LCLAT1: variants seen among roughly 807,000 people sequenced by gnomAD.
The protein encoded by LCLAT1 is lysocardiolipin acyltransferase 1.
In LCLAT1, 11 loss-of-function variants were observed where a neutral mutation model predicts 30.7. That is an observed-to-expected ratio of 0.36 (90% confidence interval 0.23 to 0.59). LCLAT1 has a LOEUF of 0.59. Ranked by LOEUF, LCLAT1 falls within the 20% of genes least tolerant of loss-of-function variation. The pLI, the probability that LCLAT1 is intolerant of heterozygous loss-of-function variation, is 0.77. For synonymous variants in LCLAT1, 155 were observed against 151.3 expected, an observed-to-expected ratio of 1.02 and a Z score of -0.18; for missense variants, 402 against 458.6, an observed-to-expected ratio of 0.88 and a Z score of 1.13.
intron 1 of LCLAT1, among the ~76,000 whole-genome samples, chr2:30,453,246 T>C (rs1276663062): frequency 6.6e-6 from 1 of 152,098 alleles, no homozygotes; most frequent in Non-Finnish European, 1.5e-5. Context: ...TGGATGAAGA[T>C]AAAAATAAAT....
intron 1 of LCLAT1, among the ~76,000 whole-genome samples, chr2:30,460,218 G>A (rs1682044492): frequency 6.6e-6 from 1 of 152,156 alleles, no homozygotes; most frequent in African/African-American, 2.4e-5. Context: ...TTCTGGCCAT[G>A]TCCTCTCTCA....
At chr2:30,509,664 C>CA (rs2148355941) in intron 1 of LCLAT1, among the ~76,000 whole-genome samples, 1 of 151,884 alleles carries the variant, frequency 6.6e-6, no homozygotes, top group Non-Finnish European at 1.5e-5. Flanking sequence ...CTCCTGGGTT[C>CA]AAATGATTCT....
rs368711551 is a variant in LCLAT1, at chr2:30,533,197, A to G, written c.247A>G (p.Met83Val). ...FVPGERSVIIMNHRTRMDWMF... is the reference protein window; with the variant it reads ...FVPGERSVIIVNHRTRMDWMF... ...TCCTGGAGAAAGAAGTGTCATTATC[A>G]TGAACCATCGGACAAGAATGGACTG... Residue 83 changes from methionine (M) to valine (V), a missense_variant, in exon 3 of 6, where the codon ATG (methionine) becomes GTG (valine). Coordinates refer to ENST00000379509, the MANE Select transcript of LCLAT1 (RefSeq NM_001002257.3). The G allele has an allele frequency of 1.6e-5, 26 of 1,613,974 alleles. No individual in the cohort carries two copies. Among genetic ancestry groups the G allele is most frequent in the African/African-American group, 4.0e-5 (3 of 74,942 alleles).
At chr2:30,541,556 A>G (rs532851041) in intron 3 of LCLAT1, among the ~76,000 whole-genome samples, 6 of 152,196 alleles carry the variant, frequency 3.9e-5, no homozygotes, top group African/African-American at 7.2e-5. Context: ...CTGAATTTCC[A>G]TTTGTTATAG....
intron 5 of LCLAT1, among the ~76,000 whole-genome samples, chr2:30,572,554 G>A (rs1197838448): frequency 6.6e-6 from 1 of 152,152 alleles, no homozygotes; most frequent in African/African-American, 2.4e-5. Flanking sequence ...TGCTGCACCT[G>A]TGGAGCCTGG....
At chr2:30,590,426 G>T (rs72858985) in intron 5 of LCLAT1, among the ~76,000 whole-genome samples, 71 of 150,812 alleles carry the variant, frequency 4.7e-4, no homozygotes, top group African/African-American at 1.6e-3. Flanking sequence ...AAGAAGTGAA[G>T]AATTAATTAG....
At chr2:30,621,289 C>T (rs1668235065) in intron 5 of LCLAT1, among the ~76,000 whole-genome samples, 1 of 152,062 alleles carries the variant, frequency 6.6e-6, no homozygotes, top group Non-Finnish European at 1.5e-5. Flanking sequence ...TTGTGTTCCC[C>T]CAAAATTCCT....
intron 5 of LCLAT1, among the ~76,000 whole-genome samples, chr2:30,585,053 G>A (rs990719325): frequency 2.6e-5 from 4 of 151,740 alleles, no homozygotes; most frequent in African/African-American, 9.7e-5. Context: ...GTCTCTATGG[G>A]GTAAATGAGA....
chr2:30,541,214 C>T (rs1007033001), intron 3 of LCLAT1, among the ~76,000 whole-genome samples: 16 of 152,034 alleles, frequency 1.1e-4, no homozygotes, highest in Non-Finnish European at 2.1e-4. Flanking sequence ...CTTAGCTTTT[C>T]CATCATGCTT....
intron 1 of LCLAT1, among the ~76,000 whole-genome samples, chr2:30,468,097 G>A (rs192177396): frequency 1.8e-3 from 267 of 152,190 alleles, no homozygotes; most frequent in African/African-American, 6.0e-3. Context: ...TCTTTAATCC[G>A]TCTTGAATTA....
At chr2:30,487,404 G>C (rs1050311576) in intron 1 of LCLAT1, among the ~76,000 whole-genome samples, 1 of 152,158 alleles carries the variant, frequency 6.6e-6, no homozygotes, top group Admixed American at 6.5e-5. Flanking sequence ...ACATAAAATA[G>C]TGACATTTGT....
intron 5 of LCLAT1, among the ~76,000 whole-genome samples, chr2:30,609,118 A>G (rs181078700): frequency 1.3e-5 from 2 of 152,172 alleles, no homozygotes. Context: ...CTGTGTTTCT[A>G]TTGGGATTAC....
chr2:30,541,785 G>A (rs1286990532), intron 3 of LCLAT1, among the ~76,000 whole-genome samples: 3 of 152,056 alleles, frequency 2.0e-5, no homozygotes, highest in Non-Finnish European at 2.9e-5. Context: ...GTAAATGTGT[G>A]TGTAACTTTG....
chr2:30,575,709 TAAATG>T (rs980033246), intron 5 of LCLAT1, among the ~76,000 whole-genome samples: 4 of 152,180 alleles, frequency 2.6e-5, no homozygotes, highest in Non-Finnish European at 4.4e-5. Flanking sequence ...ATTGGTAACT[TAAATG>T]AATAAGGTCT....
At chr2:30,576,518 C>CT (rs1258744413) in intron 5 of LCLAT1, among the ~76,000 whole-genome samples, 1 of 152,004 alleles carries the variant, frequency 6.6e-6, no homozygotes, top group African/African-American at 2.4e-5. Flanking sequence ...TAACAATATA[C>CT]TTTACCTTCC....
chr2:30,544,226 G>A (rs1664287535), intron 3 of LCLAT1, among the ~76,000 whole-genome samples: 1 of 152,092 alleles, frequency 6.6e-6, no homozygotes, highest in Non-Finnish European at 1.5e-5. Context: ...AGTACCTTCT[G>A]ATGATTACCT....
At chr2:30,491,990 G>A (rs1035642556) in intron 1 of LCLAT1, among the ~76,000 whole-genome samples, 1 of 152,180 alleles carries the variant, frequency 6.6e-6, no homozygotes, top group Non-Finnish European at 1.5e-5. Context: ...AAGGGAAACT[G>A]TAATACTGTG....
chr2:30,588,621 T>C (rs1001435973), intron 5 of LCLAT1, among the ~76,000 whole-genome samples: 2 of 152,140 alleles, frequency 1.3e-5, no homozygotes, highest in African/African-American at 2.4e-5. Context: ...AATTTCACTA[T>C]TGTTGCCCAG....
intron 1 of LCLAT1, among the ~76,000 whole-genome samples, chr2:30,452,508 A>G (rs1681606979): frequency 6.6e-6 from 1 of 152,218 alleles, no homozygotes; most frequent in Admixed American, 6.5e-5. Context: ...AGCACTCCAC[A>G]TATTCATTAG....
Sources: allele counts gnomAD v4.1 joint callset (sites outside exome capture counted in the v4.1 genomes callset), GRCh38; gene constraint gnomAD v4.1.1; transcripts MANE v1.5; gene names NCBI Gene and HGNC (gene_info 2026-07-23, HGNC 2026-07-21).